Variants in RUNX1 observed in about 807,000 individuals in gnomAD.
RUNX1 encodes the protein runt-related transcription factor 1.
RUNX1 carries 19 observed loss-of-function variants against 42.8 expected under a neutral mutation model. The ratio of observed to expected loss-of-function variants is 0.44; its 90% CI spans 0.31 to 0.65. The LOEUF is 0.65. RUNX1 is among the 30% of genes least tolerant of loss of function. The probability of loss-of-function intolerance (pLI) is 0.07; values close to 1 mark genes in which losing one functional copy is unlikely to be tolerated. For missense variants in RUNX1, 528 were observed against 672.0 expected, an observed-to-expected ratio of 0.79 and a Z score of 2.37; for synonymous variants, 271 against 289.4, an observed-to-expected ratio of 0.94 and a Z score of 0.64.
At chr21:35,020,620 G>A (rs2059191579) in intron 2 of RUNX1, among the ~76,000 whole-genome samples, 1 of 152,064 alleles carries the variant, frequency 6.6e-6, no homozygotes, top group Non-Finnish European at 1.5e-5. Flanking sequence ...TCGAGGATGG[G>A]GAAGAGGAAG....
rs140002353 is a variant in RUNX1 at position 34,927,351 on chromosome 21, G to A, written c.59-34388C>T. Among the ~76,000 whole-genome samples, 683 of 152,306 alleles carry A rather than the reference G, an allele frequency of 4.5e-3. 5 individuals carry two copies. The highest frequency in any genetic ancestry group is 7.3e-3 in the Non-Finnish European group (494 of 68,024). On this transcript the variant is annotated intron_variant, in intron 2 of 8. Transcript: ENST00000675419. ...ATGTGTGATTTCTCTGGACTCGCAC[G>A]TGTAGGGCAAGCTGATGTTCATTTG...
intron 2 of RUNX1, among the ~76,000 whole-genome samples, chr21:34,897,535 T>C (rs2058140272): frequency 6.6e-6 from 1 of 152,156 alleles, no homozygotes; most frequent in Non-Finnish European, 1.5e-5. Flanking sequence ...CATTTCCACA[T>C]CTCCTATGTG....
chr21:34,834,630 ATG>A, intron 6 of RUNX1, 29 bp from the exon 7 acceptor site: 1 of 806,678 alleles, frequency 1.2e-6, no homozygotes, highest in Non-Finnish European at 2.1e-6. Flanking sequence ...AGGGGAGGGG[ATG>A]GGGGGAGGGA....
At position 34,994,258 on chromosome 21, in the gene RUNX1, C is replaced by T. The variant is rs544205838; in HGVS notation, c.58+54584G>A. Among the ~76,000 whole-genome samples, 48 of 151,770 alleles carry T rather than the reference C, an allele frequency of 3.2e-4. No homozygotes were observed. In the South Asian group the frequency reaches 9.8e-3, roughly 31 times the overall value. On this transcript the variant is annotated intron_variant, in intron 2 of 8. Transcript: ENST00000675419. ...AAAATTAAAAAAAAAACTTCCAAGA[C>T]ATTTTCTAAACTGGGAAGGAGGATA...
At chr21:34,983,839 G>C (rs528359841) in intron 2 of RUNX1, among the ~76,000 whole-genome samples, 1 of 152,276 alleles carries the variant, frequency 6.6e-6, no homozygotes, top group South Asian at 2.1e-4. Context: ...CTTAGCTAGT[G>C]GTTTGGTGTG....
chr21:35,018,598 T>C (rs1321366684), intron 2 of RUNX1, among the ~76,000 whole-genome samples: 1 of 152,262 alleles, frequency 6.6e-6, no homozygotes, highest in Non-Finnish European at 1.5e-5. Flanking sequence ...CTTAGTGTGA[T>C]CTGATATCGT....
In RUNX1 at chr21:34,791,969, C is replaced by CG. The variant is rs942827765; in HGVS notation, c.*165dup. 14 of 434,700 alleles carry CG rather than the reference C, an allele frequency of 3.2e-5. No homozygotes were observed. Among genetic ancestry groups the CG allele is most frequent in the African/African-American group, 2.8e-4 (13 of 46,866 alleles). 26.9% of individuals were successfully genotyped at this position (434,700 alleles called of 1,614,324 possible). On this transcript the variant is annotated 3_prime_UTR_variant, in exon 9 of 9. Coordinates refer to ENST00000675419, the MANE Select transcript of RUNX1 (RefSeq NM_001754.5). ...GGGCTTCTGGGCGCAGGAGGCTGCG[C>CG]GGGCCTGACCTACAGCGAGATCCTG...
At chr21:34,941,130 A>C (rs545312736) in intron 2 of RUNX1, among the ~76,000 whole-genome samples, 5 of 152,362 alleles carry the variant, frequency 3.3e-5, no homozygotes, top group East Asian at 1.9e-4. Flanking sequence ...GTGAACAACA[A>C]GAATATCCTC....
intron 8 of RUNX1, among the ~76,000 whole-genome samples, chr21:34,793,631 G>A (rs1327263559): frequency 1.3e-5 from 2 of 151,994 alleles, no homozygotes; most frequent in Non-Finnish European, 2.9e-5. Context: ...ACTGCCTGTG[G>A]TTGCTTTAGA....
At chr21:34,799,754 A>T (rs184396308) in intron 7 of RUNX1, among the ~76,000 whole-genome samples, 37 of 152,350 alleles carry the variant, frequency 2.4e-4, no homozygotes, top group Admixed American at 6.5e-4. Context: ...AGGTAGAAGT[A>T]TTAATGTCCA....
chr21:34,886,989 C>G lies in RUNX1; in HGVS notation c.205G>C (p.Gly69Arg), dbSNP rs777168865. 42 of 1,606,910 alleles carry G rather than the reference C, an allele frequency of 2.6e-5. No homozygotes were observed. In the East Asian group the frequency reaches 7.1e-4, roughly 27 times the overall value. ...CTGCGGTCGCCGCTCCTCAGCTTGC[C>G]GGCCAGGGCAGCGCCGGCGTCCGGG... ...GAPDAGAALA[G>R]KLRSGDRSMV... Residue 69 changes from glycine to arginine, a missense_variant, in exon 4 of 9, where the codon GGC (glycine) becomes CGC (arginine). Coordinates refer to ENST00000675419, the MANE Select transcript of RUNX1 (RefSeq NM_001754.5).
chr21:34,936,095 G>GA (rs1381547331), intron 2 of RUNX1, among the ~76,000 whole-genome samples: 2 of 149,924 alleles, frequency 1.3e-5, no homozygotes, highest in Non-Finnish European at 3.0e-5. Flanking sequence ...CCCCTTCCCA[G>GA]AAGCCCCCCT....
chr21:34,904,126 G>T (rs1296362798), intron 2 of RUNX1, among the ~76,000 whole-genome samples: 1 of 152,120 alleles, frequency 6.6e-6, no homozygotes, highest in African/African-American at 2.4e-5. Context: ...TCAAACAATA[G>T]TTAAGTGAGA....
intron 2 of RUNX1, among the ~76,000 whole-genome samples, chr21:35,032,817 G>A (rs1018974263): frequency 2.0e-5 from 3 of 152,240 alleles, no homozygotes; most frequent in African/African-American, 7.2e-5. Context: ...AACCAAGTTT[G>A]GGTGGAAATC....
intron 2 of RUNX1, among the ~76,000 whole-genome samples, chr21:34,998,574 C>T (rs1285284677): frequency 6.6e-6 from 1 of 151,984 alleles, no homozygotes; most frequent in African/African-American, 2.4e-5. Flanking sequence ...TGGAGTCTTG[C>T]TCTGTCACCC....
In RUNX1 at chr21:34,993,719, GCA is replaced by G. The variant is rs772316421; in HGVS notation, c.58+55121_58+55122del. Among the ~76,000 whole-genome samples the G allele has an allele frequency of 1.4e-3, 33 of 23,702 alleles. 1 individual carries two copies. The highest frequency in any genetic ancestry group is 6.1e-3 in the African/African-American group (24 of 3,946). 15.5% of individuals were successfully genotyped at this position (23,702 alleles called of 152,430 possible). On this transcript the variant is annotated intron_variant, in intron 2 of 8. Coordinates refer to ENST00000675419, the MANE Select transcript of RUNX1 (RefSeq NM_001754.5). ...CGCACACACACACAGACACACACAG[GCA>G]CACACACACAGACACACAGAGACAC...
chr21:35,018,064 T>A (rs1569152842), intron 2 of RUNX1, among the ~76,000 whole-genome samples: 1 of 152,178 alleles, frequency 6.6e-6, no homozygotes, highest in South Asian at 2.1e-4. Context: ...CTCACTCTGT[T>A]ACCCAGGCTG....
At chr21:34,994,060 G>A (rs934216334) in intron 2 of RUNX1, among the ~76,000 whole-genome samples, 11 of 152,172 alleles carry the variant, frequency 7.2e-5, no homozygotes, top group East Asian at 1.9e-4. Flanking sequence ...CAAAAGCCCC[G>A]TTAGCAACAG....
chr21:34,987,571 G>T (rs990118325), intron 2 of RUNX1, among the ~76,000 whole-genome samples: 1 of 152,180 alleles, frequency 6.6e-6, no homozygotes, highest in Non-Finnish European at 1.5e-5. Context: ...TTTCACGCAG[G>T]CATGAGAAAG....
Sources: allele counts gnomAD v4.1 joint callset (sites outside exome capture counted in the v4.1 genomes callset), GRCh38; gene constraint gnomAD v4.1.1; transcripts MANE v1.5; gene names NCBI Gene and HGNC (gene_info 2026-07-23, HGNC 2026-07-21).